The following SLC12A1 variants were observed in gnomAD, a reference collection of about 807,000 sequenced individuals.
SLC12A1 encodes solute carrier family 12 member 1.
Under a neutral mutation model 130.4 loss-of-function variants are expected in SLC12A1, and 89 were observed. That is an observed-to-expected ratio of 0.68 (90% CI 0.58 to 0.81). SLC12A1 has a LOEUF of 0.81. Ranked by LOEUF, SLC12A1 falls within the 40% of genes least tolerant of loss-of-function variation. The pLI is 0.00. For missense variants in SLC12A1, 1,310 were observed against 1,336.4 expected (o/e 0.98, Z 0.31); for synonymous variants, 499 against 460.0 (o/e 1.08, Z -1.09).
At chr15:48,250,351 A>G (rs1313477024) in intron 14 of SLC12A1, among the ~76,000 whole-genome samples, 1 of 152,204 alleles carries the variant, frequency 6.6e-6, no homozygotes, top group Non-Finnish European at 1.5e-5. Flanking sequence ...ATTTCCACTC[A>G]TTGAGGGCCT....
At chr15:48,209,009 T>C (rs1322295524) in intron 2 of SLC12A1, among the ~76,000 whole-genome samples, 4 of 152,342 alleles carry the variant, frequency 2.6e-5, no homozygotes, top group Admixed American at 2.6e-4. Context: ...AAACTTTTCA[T>C]TATTTAAGAA....
At chr15:48,234,274 C>T (rs1597413769) in intron 8 of SLC12A1, among the ~76,000 whole-genome samples, 1 of 152,060 alleles carries the variant, frequency 6.6e-6, no homozygotes, top group Admixed American at 6.5e-5. Flanking sequence ...CCTCTTTCAA[C>T]CTTTTCTAGA....
intron 17 of SLC12A1, among the ~76,000 whole-genome samples, chr15:48,261,825 A>G (rs574817095): frequency 1.3e-5 from 2 of 152,268 alleles, no homozygotes; most frequent in South Asian, 4.2e-4. Flanking sequence ...GTTTCAAATC[A>G]TTATTTTGCC....
At chr15:48,296,600 A>G (rs538213440) in intron 24 of SLC12A1, among the ~76,000 whole-genome samples, 1 of 152,298 alleles carries the variant, frequency 6.6e-6, no homozygotes, top group African/African-American at 2.4e-5. Context: ...TTTTATGTGG[A>G]CTTAGGGGGA....
intron 2 of SLC12A1, among the ~76,000 whole-genome samples, chr15:48,216,309 G>T (rs2041121048): frequency 6.6e-6 from 1 of 152,148 alleles, no homozygotes; most frequent in South Asian, 2.1e-4. Context: ...ACCAGGAAGG[G>T]CATCCATCAG....
chr15:48,239,719 C>T (rs979711750), intron 9 of SLC12A1, among the ~76,000 whole-genome samples: 3 of 151,714 alleles, frequency 2.0e-5, no homozygotes, highest in East Asian at 2.0e-4. Flanking sequence ...GGCACAATCT[C>T]GGCTCACTGC....
At chr15:48,224,842 G>GATACCC (rs2041263427) in intron 4 of SLC12A1, 1 of 152,170 alleles carries the variant, frequency 6.6e-6, no homozygotes, top group Non-Finnish European at 1.5e-5. Flanking sequence ...CTGGCTATGT[G>GATACCC]TTTCTTGAAG....
chr15:48,290,603 G>A (rs1260003449), intron 23 of SLC12A1, among the ~76,000 whole-genome samples: 1 of 152,134 alleles, frequency 6.6e-6, no homozygotes, highest in Admixed American at 6.5e-5. Flanking sequence ...ATCACTAGGT[G>A]ATAGGAATTT....
intron 15 of SLC12A1, among the ~76,000 whole-genome samples, chr15:48,255,420 G>C (rs980144989): frequency 1.3e-5 from 2 of 148,698 alleles, no homozygotes; most frequent in African/African-American, 5.0e-5. Context: ...CCTGCTGACA[G>C]AGTGAAACTC....
chr15:48,261,123 T>C (rs541470529), intron 17 of SLC12A1, among the ~76,000 whole-genome samples: 5 of 152,282 alleles, frequency 3.3e-5, no homozygotes, highest in African/African-American at 1.2e-4. Context: ...GCCAATATAA[T>C]ATAGGAGCCA....
In SLC12A1 at chr15:48,302,909, T is replaced by C; in HGVS notation, c.*24T>C. The C allele has an allele frequency of 6.5e-7, 1 of 1,547,168 alleles. No homozygotes were observed. Among genetic ancestry groups the C allele is most frequent in the Non-Finnish European group, 8.9e-7 (1 of 1,122,874 alleles). On this transcript the variant is annotated 3_prime_UTR_variant, in exon 27 of 27. Transcript: ENST00000380993. ...AAAACATGAAAGATTGGAATACATT[T>C]TAACTTAATGTAATGCATAATTAAG...
At position 48,232,176 on chromosome 15, in the gene SLC12A1, T is replaced by G. The variant is rs577618087; in HGVS notation, c.976-551T>G. The stretch of plus-strand genomic sequence containing the variant: ...AACAGCATATGGCAACACCAAGCCA[T>G]AAACACCTTGCAGCATTGGAGGGGC... On this transcript the variant is annotated intron_variant, in intron 7 of 26. Coordinates refer to ENST00000380993, the MANE Select transcript of SLC12A1 (RefSeq NM_000338.3). Among the ~76,000 whole-genome samples the G allele has an allele frequency of 9.2e-5, 14 of 152,318 alleles. No homozygotes were observed. The East Asian group carries it at 2.7e-3, about 29-fold the overall frequency.
intron 9 of SLC12A1, among the ~76,000 whole-genome samples, chr15:48,240,090 TCC>T (rs1276289756): frequency 0.012 from 1,006 of 85,840 alleles, 90 homozygotes; most frequent in East Asian, 0.056. Flanking sequence ...TATATATATA[TCC>T]ATATATATAT....
chr15:48,229,957 T>G (rs575913861), intron 6 of SLC12A1, among the ~76,000 whole-genome samples: 25 of 152,344 alleles, frequency 1.6e-4, no homozygotes, highest in African/African-American at 5.5e-4. Context: ...GTATATTACC[T>G]TCAAGAGATG....
At chr15:48,227,317 C>A in intron 5 of SLC12A1, 1 of 647,822 alleles carries the variant, frequency 1.5e-6, no homozygotes, top group Non-Finnish European at 2.7e-6. Context: ...AACAGCAAAG[C>A]AAAATTTTTC....
chr15:48,257,674 A>C (rs973807247), intron 16 of SLC12A1, among the ~76,000 whole-genome samples: 2 of 152,194 alleles, frequency 1.3e-5, no homozygotes, highest in African/African-American at 4.8e-5. Context: ...GCTAGGACAA[A>C]GGGCACCAAG....
intron 17 of SLC12A1, among the ~76,000 whole-genome samples, chr15:48,264,892 T>C (rs1322712568): frequency 6.6e-6 from 1 of 152,198 alleles, no homozygotes; most frequent in Non-Finnish European, 1.5e-5. Context: ...AGAAATGCTT[T>C]ACCCCTTTCT....
intron 9 of SLC12A1, among the ~76,000 whole-genome samples, chr15:48,238,294 G>C (rs1158312700): frequency 1.3e-5 from 2 of 152,160 alleles, no homozygotes. Context: ...GCGATGTCTA[G>C]TGAGTGGGTA....
intron 1 of SLC12A1, among the ~76,000 whole-genome samples, 152 bp from the exon 2 acceptor site, chr15:48,207,382 T>C (rs1411688830): frequency 1.3e-5 from 2 of 152,244 alleles, no homozygotes; most frequent in Non-Finnish European, 2.9e-5. Context: ...ATTTAATTAC[T>C]CACATGACTA....
Sources: gnomAD v4.1 joint callset for allele counts (sites outside exome capture counted in the v4.1 genomes callset) on GRCh38, gnomAD v4.1.1 for gene constraint, MANE v1.5 for transcripts, NCBI Gene and HGNC (gene_info 2026-07-23, HGNC 2026-07-21) for gene names.